The following SDK1 variants were observed in gnomAD, a reference collection of about 807,000 sequenced individuals.
SDK1 encodes protein sidekick-1.
SDK1 carries 157 observed loss-of-function variants against 245.5 expected under a neutral mutation model. The ratio of observed to expected loss-of-function variants is 0.64; its 90% CI spans 0.56 to 0.73. The LOEUF (loss-of-function observed/expected upper bound fraction) is 0.73. Ranked by LOEUF, SDK1 falls within the 30% of genes least tolerant of loss-of-function variation. The probability of loss-of-function intolerance (pLI) is 0.00; values close to 1 mark genes in which losing one functional copy is unlikely to be tolerated. For synonymous variants in SDK1, 1,647 were observed against 1,278.5 expected, an observed-to-expected ratio of 1.29 and a Z score of -6.15; for missense variants, 3,583 against 3,002.3, an observed-to-expected ratio of 1.19 and a Z score of -4.52.
intron 33 of SDK1, among the ~76,000 whole-genome samples, chr7:4,174,851 T>C (rs952683162): frequency 6.6e-6 from 1 of 152,152 alleles, no homozygotes; most frequent in Non-Finnish European, 1.5e-5. Flanking sequence ...TCAAGACAGC[T>C]TCTAGAACCC....
chr7:3,419,443 CAGTG>C (rs1409521589), intron 1 of SDK1, among the ~76,000 whole-genome samples: 10 of 152,176 alleles, frequency 6.6e-5, no homozygotes, highest in African/African-American at 2.4e-4. Context: ...CCTTCACCTG[CAGTG>C]AGTGTCTCGG....
intron 1 of SDK1, among the ~76,000 whole-genome samples, chr7:3,446,266 A>C (rs955670092): frequency 6.6e-6 from 1 of 152,132 alleles, no homozygotes; most frequent in African/African-American, 2.4e-5. Context: ...TATTATCTCT[A>C]TTTTGTGGAT....
intron 1 of SDK1, among the ~76,000 whole-genome samples, chr7:3,351,574 A>G (rs778328609): frequency 6.6e-6 from 1 of 152,202 alleles, no homozygotes; most frequent in Non-Finnish European, 1.5e-5. Context: ...AAAGATACAG[A>G]AGGCAAAATA....
At chr7:3,880,537 C>T (rs529277478) in intron 5 of SDK1, among the ~76,000 whole-genome samples, 1 of 145,774 alleles carries the variant, frequency 6.9e-6, no homozygotes, top group African/African-American at 2.6e-5. Context: ...AAAACAATGC[C>T]CTGGTCTTTT....
intron 22 of SDK1, among the ~76,000 whole-genome samples, chr7:4,097,827 TAGG>T (rs1272907226): frequency 1.3e-5 from 2 of 152,150 alleles, no homozygotes; most frequent in African/African-American, 4.8e-5. Flanking sequence ...TTTTTCATAA[TAGG>T]AGGAACAAGA....
chr7:3,778,108 A>G (rs960054348), intron 4 of SDK1, among the ~76,000 whole-genome samples: 2 of 152,230 alleles, frequency 1.3e-5, no homozygotes, highest in Non-Finnish European at 2.9e-5. Context: ...AAGTAGAGCA[A>G]TGCATTTCCC....
At chr7:3,749,767 G>T (rs191851133) in intron 4 of SDK1, among the ~76,000 whole-genome samples, 3 of 152,268 alleles carry the variant, frequency 2.0e-5, no homozygotes, top group Admixed American at 1.3e-4. Flanking sequence ...TAGTGTTCTG[G>T]TCTCCTGTAT....
In SDK1 at chr7:4,116,541, G is replaced by A. The variant is rs147801444; in HGVS notation, c.3823+2267G>A. The stretch of plus-strand genomic sequence containing the variant: ...CGTTGGTGACAGGTCTGAACCTGCC[G>A]CCACCCTTGTAGGTTACTGTAATGC... On this transcript the variant is annotated intron_variant, in intron 25 of 44. Transcript: ENST00000404826. Among the ~76,000 whole-genome samples, 332 of 152,320 alleles carry A rather than the reference G, an allele frequency of 2.2e-3. 1 individual carries two copies. The highest frequency in any genetic ancestry group is 7.5e-3 in the African/African-American group (310 of 41,570).
At chr7:3,371,509 A>G (rs1391045632) in intron 1 of SDK1, among the ~76,000 whole-genome samples, 6 of 152,180 alleles carry the variant, frequency 3.9e-5, no homozygotes, top group Non-Finnish European at 1.5e-5. Context: ...CCTAAGGGGG[A>G]AAAGACTGAG....
intron 1 of SDK1, among the ~76,000 whole-genome samples, chr7:3,588,070 C>G (rs1363057627): frequency 6.6e-6 from 1 of 152,126 alleles, no homozygotes; most frequent in Non-Finnish European, 1.5e-5. Context: ...TCAAGGAATC[C>G]TAGGTCAATC....
intron 1 of SDK1, among the ~76,000 whole-genome samples, chr7:3,497,528 A>C (rs184203212): frequency 6.6e-6 from 1 of 152,196 alleles, no homozygotes; most frequent in South Asian, 2.1e-4. Context: ...ATGATTTTGC[A>C]AATTGCAATA....
chr7:3,743,282 G>T (rs979550677), intron 4 of SDK1, among the ~76,000 whole-genome samples: 7 of 152,172 alleles, frequency 4.6e-5, no homozygotes, highest in African/African-American at 1.7e-4. Context: ...GGAGTTAGAA[G>T]AAGTTTCTTG....
intron 1 of SDK1, among the ~76,000 whole-genome samples, chr7:3,418,312 A>AAG (rs1779437246): frequency 1.3e-5 from 2 of 152,118 alleles, no homozygotes; most frequent in Non-Finnish European, 2.9e-5. Context: ...GCGAGACTCC[A>AAG]TCTCAGAAAC....
chr7:4,019,271 G>C (rs534693299), intron 17 of SDK1, among the ~76,000 whole-genome samples: 1 of 152,186 alleles, frequency 6.6e-6, no homozygotes, highest in Non-Finnish European at 1.5e-5. Flanking sequence ...GAATTTAGTT[G>C]GTCAGAAATC....
At chr7:3,688,043 T>A (rs972875868) in intron 4 of SDK1, among the ~76,000 whole-genome samples, 1 of 152,212 alleles carries the variant, frequency 6.6e-6, no homozygotes, top group Admixed American at 6.5e-5. Context: ...GAAACTACTC[T>A]GGAAAGGATT....
chr7:3,305,842 G>A (rs923690099), intron 1 of SDK1, among the ~76,000 whole-genome samples: 2 of 152,088 alleles, frequency 1.3e-5, no homozygotes, highest in Non-Finnish European at 2.9e-5. Flanking sequence ...GAACCTTTAC[G>A]TGCCAAGCAC....
rs548946940 is a variant in SDK1 at position 4,205,960 on chromosome 7, C to A, written c.5180C>A (p.Pro1727Gln). 2.6e-6 allele frequency: 4 copies of A among 1,560,412 alleles called. No homozygotes were observed. The highest frequency in any genetic ancestry group is 1.4e-5 in the African/African-American group (1 of 73,580). Residue 1727 changes from proline to glutamine, a missense_variant, in exon 36 of 45, where the codon CCG (proline) becomes CAG (glutamine). Physicochemically the swap from Pro to Gln is moderately conservative, Grantham distance 76. Coordinates refer to ENST00000404826, the MANE Select transcript of SDK1 (RefSeq NM_152744.4). ...QLEVTWDPPP[P>Q]ESQNGNIQGY... ...GAGGTCACGTGGGACCCACCACCCCCGGAGAGCCAGAATGGGAACATCCAA... is the reference window on the plus strand; with the variant it reads ...GAGGTCACGTGGGACCCACCACCCCAGGAGAGCCAGAATGGGAACATCCAA...
At chr7:3,320,071 C>A (rs1450876342) in intron 1 of SDK1, among the ~76,000 whole-genome samples, 1 of 151,626 alleles carries the variant, frequency 6.6e-6, no homozygotes, top group Non-Finnish European at 1.5e-5. Context: ...AAATTGTTCT[C>A]CCCAATTTAT....
At position 3,872,433 on chromosome 7, in the gene SDK1, T is replaced by G. The variant is rs1049743016; in HGVS notation, c.847+50850T>G. Among the ~76,000 whole-genome samples the G allele has an allele frequency of 1.1e-3, 162 of 152,240 alleles. 1 individual carries two copies. The highest frequency in any genetic ancestry group is 3.6e-3 in the African/African-American group (151 of 41,576). On this transcript the variant is annotated intron_variant, in intron 5 of 44. Transcript: ENST00000404826. ...TTTATTTTATTTTGTTTTTAAAGGT[T>G]TCACTATAAATACAATTTTGTTAAT... is the stretch of plus-strand genomic sequence containing the variant.
Sources: allele counts gnomAD v4.1 joint callset (sites outside exome capture counted in the v4.1 genomes callset), GRCh38; gene constraint gnomAD v4.1.1; transcripts MANE v1.5; gene names NCBI Gene and HGNC (gene_info 2026-07-23, HGNC 2026-07-21).